Variants in HDAC3 observed in about 807,000 individuals in gnomAD.
HDAC3 encodes the protein SMAP45.
Under a neutral mutation model 62.3 loss-of-function variants are expected in HDAC3, and 21 were observed. The observed-to-expected ratio is 0.34, with a 90% confidence interval of 0.24 to 0.49. The LOEUF is 0.49. Ranked by LOEUF, HDAC3 falls within the 20% of genes least tolerant of loss-of-function variation. The probability of loss-of-function intolerance (pLI) is 0.99; values close to 1 mark genes in which losing one functional copy is unlikely to be tolerated. For missense variants in HDAC3, 270 were observed against 556.9 expected (o/e 0.48, Z 5.19); for synonymous variants, 198 against 206.5 (o/e 0.96, Z 0.35).
intron 3 of HDAC3, among the ~76,000 whole-genome samples, chr5:141,631,549 G>A (rs920457044): frequency 1.3e-5 from 2 of 152,220 alleles, no homozygotes; most frequent in Non-Finnish European, 2.9e-5. Context: ...AAGCCAATGT[G>A]ATGGTGTAAG....
Position 141,634,914 on chromosome 5 carries a change from G to A in HDAC3, c.178C>T (p.Arg60Cys), listed in dbSNP as rs2099905742. The change falls in exon 3 of 15, where the codon CGC becomes TGC. Residue 60 changes from arginine (R) to cysteine (C), a missense_variant. Transcript: ENST00000305264. ...PYQASQHDMCRFHSEDYIDFL... is the reference protein window; with the variant it reads ...PYQASQHDMCCFHSEDYIDFL... ...TCAATGTAGTCCTCGGAGTGGAAGC[G>A]GCACATGTCATGTTGGGAGGCCTGG... The A allele has an allele frequency of 1.9e-6, 3 of 1,614,024 alleles. No individual in the cohort carries two copies. The highest frequency in any genetic ancestry group is 2.5e-6 in the Non-Finnish European group (3 of 1,180,000).
Position 141,625,265 on chromosome 5 carries a change from T to C in HDAC3, c.1160A>G (p.Tyr387Cys), listed in dbSNP as rs750613060. ...TGCATCAGCCTCATCAGTCCTGTCA[T>C]AGGTCAGGAGGTCTGCAGGCACGTC... ...IHDVPADLLTYDRTDEADAEE... is the reference protein window; with the variant it reads ...IHDVPADLLTCDRTDEADAEE... The change falls in exon 14 of 15, where the codon TAT becomes TGT. Residue 387 changes from tyrosine to cysteine, a missense_variant. By Grantham distance (194) the Tyr-to-Cys change is radical. Around this residue, in one of 5 missense-constraint regions of HDAC3, gnomAD observed 44 missense variants for 64.3 expected, o/e 0.68. Transcript: ENST00000305264. The surrounding 1 kb of genome is among the most constrained non-coding windows in gnomAD (Gnocchi z 4.0). 10 of 1,614,150 alleles carry C rather than the reference T, an allele frequency of 6.2e-6. No homozygotes were observed. The highest frequency in any genetic ancestry group is 3.3e-5 in the Admixed American group (2 of 60,022).
chr5:141,635,778 A>T (rs2099905881), intron 2 of HDAC3: 1 of 152,004 alleles, frequency 6.6e-6, no homozygotes, highest in Non-Finnish European at 1.5e-5. Context: ...TACTTTTTTT[A>T]TTTTTATTTT....
At chr5:141,636,689 C>G in intron 1 of HDAC3, 47 bp downstream of exon 1, 2 of 1,613,492 alleles carry the variant, frequency 1.2e-6, no homozygotes, top group Non-Finnish European at 1.7e-6. Context: ...AACCCCGCCT[C>G]AAAACCTCCG....
chr5:141,630,813 T>C (rs924143657), intron 3 of HDAC3, among the ~76,000 whole-genome samples: 1 of 151,958 alleles, frequency 6.6e-6, no homozygotes, highest in African/African-American at 2.4e-5. Context: ...GTGAGTGACC[T>C]TTGTTGGGTA....
chr5:141,630,879 G>T (rs1215156513), intron 3 of HDAC3, among the ~76,000 whole-genome samples: 2 of 148,414 alleles, frequency 1.3e-5, no homozygotes, highest in Non-Finnish European at 1.5e-5. Context: ...TAGAGACAGG[G>T]TCTCACTATG....
chr5:141,636,319 G>C (rs979821180), intron 2 of HDAC3: 3 of 581,444 alleles, frequency 5.2e-6, no homozygotes, highest in African/African-American at 3.7e-5. Flanking sequence ...CCAAGGGCTA[G>C]TGTGCCTACA....
At position 141,629,133 on chromosome 5, in the gene HDAC3, C is replaced by T; in HGVS notation, c.610+40G>A. 1.2e-6 allele frequency: 2 copies of T among 1,609,032 alleles called. No individual in the cohort carries two copies. Among genetic ancestry groups the T allele is most frequent in the Non-Finnish European group, 1.7e-6 (2 of 1,176,838 alleles). On this transcript the variant is annotated intron_variant, in intron 7 of 14. Transcript: ENST00000305264. This position sits in a 1 kb window ranked among gnomAD's most constrained non-coding sequence, Gnocchi z 5.3. ...AGAAGGAGGCACTCATAGTAAAGAGCTGAAGGGTGCAAAGGGGAAAGTAAT... is the reference window on the plus strand; with the variant it reads ...AGAAGGAGGCACTCATAGTAAAGAGTTGAAGGGTGCAAAGGGGAAAGTAAT...
chr5:141,628,093 A>T lies in HDAC3; in HGVS notation c.765+21T>A, dbSNP rs1230926985. The T allele has an allele frequency of 1.9e-6, 3 of 1,611,450 alleles. No individual in the cohort carries two copies. In the African/African-American group the frequency reaches 4.0e-5, roughly 22 times the overall value. ...CCCAAGCCCAGGCAGAACACTCCTG[A>T]GGAGGAACTGACAGTATTACCTGGA... On this transcript the variant is annotated intron_variant, in intron 9 of 14. Coordinates refer to ENST00000305264, the MANE Select transcript of HDAC3 (RefSeq NM_003883.4). The surrounding 1 kb of genome is among the most constrained non-coding windows in gnomAD (Gnocchi z 4.7).
In HDAC3 at chr5:141,628,710, G is replaced by C. The variant is rs2099904796; in HGVS notation, c.611-71C>G. The C allele has an allele frequency of 1.8e-6, 2 of 1,112,834 alleles. No homozygotes were observed. The highest frequency in any genetic ancestry group is 2.7e-6 in the Non-Finnish European group (2 of 734,718). The allele number at this position is 1,112,834 out of a possible 1,614,324, so 68.9% of individuals were successfully genotyped here. On this transcript the variant is annotated intron_variant, in intron 7 of 14. Transcript: ENST00000305264. This position sits in a 1 kb window ranked among gnomAD's most constrained non-coding sequence, Gnocchi z 4.7. ...AACCCAGCTGTTTCAGCCCCAATCT[G>C]CACTCTGGGAGCCTCTCATTCCATC... is the stretch of plus-strand genomic sequence containing the variant.
Position 141,625,714 on chromosome 5 carries a change from T to C in HDAC3, c.1030A>G (p.Thr344Ala). The change falls in exon 13 of 15, where the codon ACC becomes GCC. Residue 344 changes from threonine (T) to alanine (A), a missense_variant. Physicochemically the swap from Thr to Ala is moderately conservative, Grantham distance 58. Transcript: ENST00000305264. This position sits in a 1 kb window ranked among gnomAD's most constrained non-coding sequence, Gnocchi z 4.0. ...PDFTLHPDVS[T>A]RIENQNSRQY... ...CGTGAGTTCTGATTCTCGATGCGGG[T>C]GCTGACATCTGGATGAAGTGTGAAG... The C allele has an allele frequency of 6.2e-7, 1 of 1,614,150 alleles. No individual in the cohort carries two copies. The highest frequency in any genetic ancestry group is 2.2e-5 in the East Asian group (1 of 44,884).
rs2099904611 is a variant in HDAC3, at chr5:141,627,511, T to G, written c.830+382A>C. Among the ~76,000 whole-genome samples, 3 of 152,250 alleles carry G rather than the reference T, an allele frequency of 2.0e-5. No homozygotes were observed. In the South Asian group the frequency reaches 6.2e-4, roughly 31 times the overall value. Reference sequence around the variant, plus strand: ...TCAGAAAAACTTTCCGAAACCATGCTATCTCAAGTAGGTCCCCCATTGTAT... The same window carrying G: ...TCAGAAAAACTTTCCGAAACCATGCGATCTCAAGTAGGTCCCCCATTGTAT... On this transcript the variant is annotated intron_variant, in intron 10 of 14. Coordinates refer to ENST00000305264, the MANE Select transcript of HDAC3 (RefSeq NM_003883.4).
chr5:141,629,286 T>C lies in HDAC3; in HGVS notation c.497A>G (p.Tyr166Cys). Residue 166 changes from tyrosine to cysteine, a missense_variant, in exon 7 of 15, where the codon TAC becomes TGC. Physicochemically the swap from Tyr to Cys is radical, Grantham distance 194. Around this residue, in one of 5 missense-constraint regions of HDAC3, gnomAD observed 156 missense variants for 383.9 expected, o/e 0.41. Transcript: ENST00000305264. This position sits in a 1 kb window ranked among gnomAD's most constrained non-coding sequence, Gnocchi z 5.3. ...ELLKYHPRVLYIDIDIHHGDG... is the reference protein window; with the variant it reads ...ELLKYHPRVLCIDIDIHHGDG... ...ACCATGGTGGATGTCAATGTCAATGTAGAGCACCCGAGGGTGGTACCTAGA... is the reference window on the plus strand; with the variant it reads ...ACCATGGTGGATGTCAATGTCAATGCAGAGCACCCGAGGGTGGTACCTAGA... 1 of 1,614,148 alleles carries C rather than the reference T, an allele frequency of 6.2e-7. No individual in the cohort carries two copies. The highest frequency in any genetic ancestry group is 8.5e-7 in the Non-Finnish European group (1 of 1,180,022).
chr5:141,624,938 C>T (rs544166826), intron 14 of HDAC3: 9 of 376,004 alleles, frequency 2.4e-5, no homozygotes, highest in Non-Finnish European at 4.3e-5. Context: ...CTATCCAAAA[C>T]AATAAAAACT....
chr5:141,625,791 C>T lies in HDAC3; in HGVS notation c.980-27G>A. On this transcript the variant is annotated intron_variant, in intron 12 of 14. Transcript: ENST00000305264. The surrounding 1 kb of genome is among the most constrained non-coding windows in gnomAD (Gnocchi z 4.0). Reference sequence around the variant, plus strand: ...TTGGGGAGGAGAGGAGAAAGTATGGCTCAGACTGAGAAAGGCAGCTAACAA... The same window carrying T: ...TTGGGGAGGAGAGGAGAAAGTATGGTTCAGACTGAGAAAGGCAGCTAACAA... The T allele has an allele frequency of 6.2e-7, 1 of 1,600,622 alleles. No individual in the cohort carries two copies. The highest frequency in any genetic ancestry group is 8.6e-7 in the Non-Finnish European group (1 of 1,167,690).
Position 141,629,276 on chromosome 5 carries a change from A to G in HDAC3, c.507T>C (p.Ile169=), listed in dbSNP as rs79490452. The change falls in exon 7 of 15, where the codon ATT becomes ATC. Residue 169 remains isoleucine (I), a synonymous_variant. Coordinates refer to ENST00000305264, the MANE Select transcript of HDAC3 (RefSeq NM_003883.4). This position sits in a 1 kb window ranked among gnomAD's most constrained non-coding sequence, Gnocchi z 5.3. ...GAACCCCGTCACCATGGTGGATGTC[A>G]ATGTCAATGTAGAGCACCCGAGGGT... ...KYHPRVLYID[I]DIHHGDGVQE... The G allele has an allele frequency of 1.4e-4, 219 of 1,614,042 alleles. No individual in the cohort carries two copies. The African/African-American group carries it at 2.8e-3, about 21-fold the overall frequency.
chr5:141,634,367 G>C (rs2099905676), intron 3 of HDAC3, among the ~76,000 whole-genome samples: 1 of 151,960 alleles, frequency 6.6e-6, no homozygotes, highest in East Asian at 1.9e-4. Flanking sequence ...TCCTACCACA[G>C]ACCCTTAGCA....
chr5:141,631,580 C>T (rs777059930), intron 3 of HDAC3, among the ~76,000 whole-genome samples: 17 of 152,118 alleles, frequency 1.1e-4, no homozygotes, highest in Non-Finnish European at 2.4e-4. Flanking sequence ...GCTCATATCC[C>T]ATACTAAAAG....
Position 141,628,183 on chromosome 5 carries a change from G to A in HDAC3, c.696C>T (p.Tyr232=). The part of the protein sequence containing the change: ...PLRDGIDDQS[Y]KHLFQPVINQ... ...TGATAACCGGCTGGAAAAGGTGCTT[G>A]TAACCTGGGAGAGGGCCAAAGATGG... is the stretch of plus-strand genomic sequence containing the variant. The change falls in exon 9 of 15, where the codon TAC becomes TAT. Residue 232 remains tyrosine (Y), a synonymous_variant. Coordinates refer to ENST00000305264, the MANE Select transcript of HDAC3 (RefSeq NM_003883.4). The surrounding 1 kb of genome is among the most constrained non-coding windows in gnomAD (Gnocchi z 4.7). 1.2e-6 allele frequency: 2 copies of A among 1,614,118 alleles called. No individual in the cohort carries two copies. Among genetic ancestry groups the A allele is most frequent in the Non-Finnish European group, 1.7e-6 (2 of 1,179,990 alleles).
Sources: gnomAD v4.1 joint callset for allele counts (sites outside exome capture counted in the v4.1 genomes callset) on GRCh38, gnomAD v4.1.1 for gene constraint, gnomAD v4.1.1 regional missense constraint, Gnocchi (gnomAD v3.1) non-coding constraint, MANE v1.5 for transcripts, NCBI Gene and HGNC (gene_info 2026-07-23, HGNC 2026-07-21) for gene names.